ELN: variants seen among roughly 807,000 people sequenced by gnomAD.
The protein encoded by ELN is elastin.
ELN carries 65 observed loss-of-function variants against 105.8 expected under a neutral mutation model. The ratio of observed to expected loss-of-function variants is 0.61; its 90% CI spans 0.50 to 0.75. The LOEUF (loss-of-function observed/expected upper bound fraction) is 0.75, where lower values mean the gene tolerates loss of function less well. ELN is among the 30% of genes least tolerant of loss of function. The probability of loss-of-function intolerance (pLI) is 0.00; values close to 1 mark genes in which losing one functional copy is unlikely to be tolerated. For missense variants in ELN, 882 were observed against 969.4 expected (o/e 0.91, Z 1.20); for synonymous variants, 368 against 389.2 (o/e 0.95, Z 0.64).
At chr7:74,043,413 C>T (rs1411068932) in intron 8 of ELN, 34 of 716,982 alleles carry the variant, frequency 4.7e-5, no homozygotes, top group Non-Finnish European at 6.7e-5. Flanking sequence ...GGCAGGCTGT[C>T]GGGCGACAGA....
At chr7:74,030,840 G>A (rs562383733) in intron 1 of ELN, among the ~76,000 whole-genome samples, 48 of 152,286 alleles carry the variant, frequency 3.2e-4, no homozygotes, top group African/African-American at 1.2e-3. Context: ...GGCTTCCCAG[G>A]TGACGGTGGG....
chr7:74,054,801 C>G (rs781960688), intron 19 of ELN, 32 bp downstream of exon 19: 2 of 1,613,106 alleles, frequency 1.2e-6, no homozygotes, highest in Admixed American at 1.7e-5. Context: ...CTGCCCCACC[C>G]TGTCCTGGCC....
intron 14 of ELN, 55 bp downstream of exon 14, chr7:74,048,256 C>T: frequency 6.2e-7 from 1 of 1,611,760 alleles, no homozygotes; most frequent in Admixed American, 1.7e-5. Flanking sequence ...TTCCAGGCTC[C>T]AGAGCCCTGG....
chr7:74,053,420 A>G (rs1794559020), intron 18 of ELN, 111 bp downstream of exon 18: 1 of 1,536,786 alleles, frequency 6.5e-7, no homozygotes, highest in Non-Finnish European at 8.8e-7. Context: ...CACCATAACC[A>G]TCTGCCCATA....
intron 1 of ELN, among the ~76,000 whole-genome samples, chr7:74,033,507 C>G (rs1210272878): frequency 1.3e-5 from 2 of 152,250 alleles, no homozygotes; most frequent in Non-Finnish European, 2.9e-5. Flanking sequence ...GGCCCAGCCC[C>G]CCTGGGGCCA....
Position 74,047,667 on chromosome 7 carries a change from C to A in ELN, c.644-8C>A. 1 of 1,614,190 alleles carries A rather than the reference C, an allele frequency of 6.2e-7. No homozygotes were observed. The highest frequency in any genetic ancestry group is 8.5e-7 in the Non-Finnish European group (1 of 1,180,010). ...GCAGCCCCTGAGTTTGCTCTGTCCT[C>A]TCTCCAGGTGGCTATGGACTGCCCT... is the stretch of plus-strand genomic sequence containing the variant. On this transcript the variant is annotated splice_polypyrimidine_tract_variant and splice_region_variant and intron_variant, in intron 12 of 32. Coordinates refer to ENST00000252034, the MANE Select transcript of ELN (RefSeq NM_000501.4).
intron 4 of ELN, among the ~76,000 whole-genome samples, chr7:74,040,902 G>A (rs372705997): frequency 2.0e-5 from 3 of 152,200 alleles, no homozygotes; most frequent in Non-Finnish European, 2.9e-5. Context: ...TCTCGCTCAC[G>A]GACTCTGCTC....
intron 8 of ELN, 87 bp downstream of exon 8, chr7:74,043,255 A>C (rs1791666222): frequency 2.6e-6 from 4 of 1,525,312 alleles, no homozygotes; most frequent in Non-Finnish European, 3.5e-6. Flanking sequence ...ATGCCACTGC[A>C]CTTGGGGAGG....
intron 9 of ELN, among the ~76,000 whole-genome samples, chr7:74,044,461 C>T (rs1161367337): frequency 6.6e-6 from 1 of 152,096 alleles, no homozygotes; most frequent in Non-Finnish European, 1.5e-5. Flanking sequence ...AGCCCTGATC[C>T]CAGGCACAGA....
intron 22 of ELN, among the ~76,000 whole-genome samples, chr7:74,058,120 T>C (rs1385179933): frequency 6.6e-6 from 1 of 150,726 alleles, no homozygotes; most frequent in Non-Finnish European, 1.5e-5. Context: ...CTCCTTCTCA[T>C]TCTTCTTCTT....
chr7:74,041,505 C>T (rs1281624591), intron 5 of ELN, among the ~76,000 whole-genome samples: 11 of 152,146 alleles, frequency 7.2e-5, no homozygotes, highest in African/African-American at 2.2e-4. Context: ...ACCAAGGAAG[C>T]CCAAGGGAGT....
In ELN at chr7:74,060,219, A is replaced by G. The variant is rs199469619; in HGVS notation, c.1621+35A>G. The G allele has an allele frequency of 8.1e-4, 1,301 of 1,613,750 alleles. 5 individuals carry two copies. Among genetic ancestry groups the G allele is most frequent in the Middle Eastern group, 7.9e-3 (48 of 6,060 alleles). On this transcript the variant is annotated intron_variant, in intron 24 of 32. Coordinates refer to ENST00000252034, the MANE Select transcript of ELN (RefSeq NM_000501.4). ...TCGCCCACCTTTCTCTCCTCTCCCC[A>G]ACGATCTCAGAGCTGGTTAGGGGCA...
intron 29 of ELN, among the ~76,000 whole-genome samples, chr7:74,064,274 G>A (rs1455577764): frequency 2.3e-4 from 35 of 151,820 alleles, no homozygotes; most frequent in Non-Finnish European, 4.1e-4. Flanking sequence ...AATTAGCTGG[G>A]CGTGGTGGCA....
intron 11 of ELN, 66 bp downstream of exon 11, chr7:74,046,283 T>C (rs1406543893): frequency 6.2e-7 from 1 of 1,608,830 alleles, no homozygotes; most frequent in Non-Finnish European, 8.5e-7. Context: ...TTGGGAGGGG[T>C]TGGGCACCCA....
intron 12 of ELN, 41 bp downstream of exon 12, chr7:74,046,808 G>A (rs1158057026): frequency 7.5e-6 from 12 of 1,610,304 alleles, no homozygotes; most frequent in Middle Eastern, 1.6e-4. Flanking sequence ...ACTCGGCCGG[G>A]TGTGGTGGTT....
chr7:74,060,448 G>C lies in ELN; in HGVS notation c.1694G>C (p.Gly565Ala), dbSNP rs782075257. 9.9e-6 allele frequency: 16 copies of C among 1,613,682 alleles called. No individual in the cohort carries two copies. The highest frequency in any genetic ancestry group is 1.4e-5 in the Non-Finnish European group (16 of 1,179,982). Residue 565 changes from glycine to alanine, a missense_variant, in exon 25 of 33, where the codon GGT becomes GCT. By Grantham distance (60) the Gly-to-Ala change is moderately conservative (BLOSUM62 0). Transcript: ENST00000252034. ...VGVGVPGLGVGAGVPGLGVGA... is the reference protein window; with the variant it reads ...VGVGVPGLGVAAGVPGLGVGA... ...GTCGGCGTCCCTGGACTTGGAGTTG[G>C]TGCTGGTGTTCCTGGACTTGGAGTT...
intron 19 of ELN, among the ~76,000 whole-genome samples, chr7:74,055,240 G>C (rs1265151412): frequency 6.6e-6 from 1 of 152,154 alleles, no homozygotes; most frequent in East Asian, 1.9e-4. Flanking sequence ...AGGAATTAGA[G>C]ACCAGCATGG....
chr7:74,037,921 C>T, intron 4 of ELN, 182 bp downstream of exon 4: 1 of 806,182 alleles, frequency 1.2e-6, no homozygotes, highest in Non-Finnish European at 2.0e-6. Context: ...GGCCAGGTCC[C>T]AGGGCTTCCA....
chr7:74,043,415 G>A, intron 8 of ELN: 1 of 714,282 alleles, frequency 1.4e-6, no homozygotes, highest in Non-Finnish European at 2.5e-6. Context: ...CAGGCTGTCG[G>A]GCGACAGATG....
Sources: gnomAD v4.1 joint callset for allele counts (sites outside exome capture counted in the v4.1 genomes callset) on GRCh38, gnomAD v4.1.1 for gene constraint, MANE v1.5 for transcripts, NCBI Gene and HGNC (gene_info 2026-07-23, HGNC 2026-07-21) for gene names.